Variants in MICU2 observed in about 807,000 individuals in gnomAD.
MICU2 encodes the protein mitochondrial calcium uptake 2.
In MICU2, 64 loss-of-function variants were observed where a neutral mutation model predicts 60.4. That is an observed-to-expected ratio of 1.06 (90% CI 0.87 to 1.31). The LOEUF (loss-of-function observed/expected upper bound fraction) is 1.31, where lower values mean the gene tolerates loss of function less well. Among genes scored for constraint, MICU2 ranks in the 50% most tolerant of loss-of-function variants. The probability of loss-of-function intolerance (pLI) is 0.00; values close to 1 mark genes in which losing one functional copy is unlikely to be tolerated. For missense variants in MICU2, 569 were observed against 531.0 expected (o/e 1.07, Z -0.70); for synonymous variants, 201 against 175.0 (o/e 1.15, Z -1.17).
At chr13:21,587,412 T>C (rs1319145112) in intron 1 of MICU2, among the ~76,000 whole-genome samples, 1 of 152,206 alleles carries the variant, frequency 6.6e-6, no homozygotes, top group Non-Finnish European at 1.5e-5. Context: ...TTATCAGCAG[T>C]AGAAATCTAA....
chr13:21,544,516 G>GAAAAAAA (rs10628955), intron 2 of MICU2, among the ~76,000 whole-genome samples: 1 of 77,380 alleles, frequency 1.3e-5, no homozygotes, highest in Non-Finnish European at 2.5e-5. Flanking sequence ...ATAAACACAT[G>GAAAAAAA]AAAAAAAAAA....
At chr13:21,575,168 GACACACAT>G (rs1010071998) in intron 1 of MICU2, among the ~76,000 whole-genome samples, 7 of 150,088 alleles carry the variant, frequency 4.7e-5, no homozygotes, top group African/African-American at 1.5e-4. Context: ...TACACACACA[GACACACAT>G]ACACACATAA....
chr13:21,572,412 T>A (rs1644983348), intron 1 of MICU2, among the ~76,000 whole-genome samples: 3 of 152,170 alleles, frequency 2.0e-5, no homozygotes, highest in Non-Finnish European at 4.4e-5. Context: ...CTGTGAGACT[T>A]CCGTTAGTGC....
chr13:21,564,507 A>C (rs1472278018), intron 2 of MICU2, among the ~76,000 whole-genome samples: 4 of 152,176 alleles, frequency 2.6e-5, no homozygotes, highest in African/African-American at 7.2e-5. Context: ...TACGTATTGT[A>C]CAGTCCTATG....
In MICU2 at chr13:21,531,283, A is replaced by C. The variant is rs921141032; in HGVS notation, c.466+8019T>G. ...TAGATTGGAAGATCCCTTCAAAGCAAACACAGCACAGAAAATGACTCACCA... is the reference window on the plus strand; with the variant it reads ...TAGATTGGAAGATCCCTTCAAAGCACACACAGCACAGAAAATGACTCACCA... On this transcript the variant is annotated intron_variant, in intron 4 of 11. Transcript: ENST00000382374. 1.9e-6 allele frequency: 3 copies of C among 1,568,794 alleles called. No homozygotes were observed. In the Admixed American group the frequency reaches 5.1e-5, roughly 27 times the overall value.
chr13:21,567,487 C>G (rs1482268954), intron 1 of MICU2, among the ~76,000 whole-genome samples: 1 of 152,054 alleles, frequency 6.6e-6, no homozygotes, highest in Non-Finnish European at 1.5e-5. Context: ...GTCAGGAGGG[C>G]AACAGAACAT....
chr13:21,544,258 T>A (rs532490958), intron 2 of MICU2, among the ~76,000 whole-genome samples: 1 of 152,124 alleles, frequency 6.6e-6, no homozygotes, highest in African/African-American at 2.4e-5. Context: ...GGGAAATGAT[T>A]TTATGAATAA....
intron 2 of MICU2, among the ~76,000 whole-genome samples, chr13:21,565,436 T>C (rs902388745): frequency 1.3e-5 from 2 of 152,036 alleles, no homozygotes; most frequent in Non-Finnish European, 2.9e-5. Flanking sequence ...GGAGGGTGGA[T>C]CACGAGATCA....
At chr13:21,533,351 T>A (rs1887050544) in intron 4 of MICU2, among the ~76,000 whole-genome samples, 1 of 145,320 alleles carries the variant, frequency 6.9e-6, no homozygotes, top group Non-Finnish European at 1.5e-5. Context: ...TGAGGCAGAG[T>A]CTTGCTCTGT....
chr13:21,505,683 C>G (rs912741288), intron 8 of MICU2, among the ~76,000 whole-genome samples: 1 of 152,098 alleles, frequency 6.6e-6, no homozygotes, highest in African/African-American at 2.4e-5. Flanking sequence ...CTTCTGGTAA[C>G]CTAGTCTGGT....
At chr13:21,588,281 C>T (rs567459308) in intron 1 of MICU2, among the ~76,000 whole-genome samples, 6 of 152,338 alleles carry the variant, frequency 3.9e-5, no homozygotes, top group African/African-American at 7.2e-5. Flanking sequence ...TCCATCCACA[C>T]GTTAAACAAA....
chr13:21,586,355 G>A (rs9509804), intron 1 of MICU2, among the ~76,000 whole-genome samples: 31,103 of 151,968 alleles, frequency 0.2, 3,672 homozygotes, highest in Non-Finnish European at 0.28. Context: ...CATTCCTGTT[G>A]CAACAGAAAA....
At position 21,514,501 on chromosome 13, in the gene MICU2, T is replaced by C. The variant is rs971498000; in HGVS notation, c.598-83A>G. ...CTAAAAAATAGATGCCAACTTATTG[T>C]TATAAAATATATACTAGTTATTTGC... On this transcript the variant is annotated intron_variant, in intron 6 of 11. Transcript: ENST00000382374. 1.6e-5 allele frequency: 15 copies of C among 927,304 alleles called. 1 individual carries two copies. Among genetic ancestry groups the C allele is most frequent in the Middle Eastern group, 2.2e-4 (1 of 4,610 alleles). The allele number at this position is 927,304 out of a possible 1,614,324, so 57.4% of individuals were successfully genotyped here.
chr13:21,495,163 A>G lies in MICU2; in HGVS notation c.1198T>C (p.Trp400Arg). The G allele has an allele frequency of 6.3e-7, 1 of 1,598,752 alleles. No homozygotes were observed. Among genetic ancestry groups the G allele is most frequent in the Non-Finnish European group, 8.5e-7 (1 of 1,174,708 alleles). Residue 400 changes from tryptophan (W) to arginine (R), a missense_variant and splice_region_variant, in exon 11 of 12, where the codon TGG becomes CGG. Physicochemically the swap from Trp to Arg is moderately radical, Grantham distance 101 (BLOSUM62 -3). Coordinates refer to ENST00000382374, the MANE Select transcript of MICU2 (RefSeq NM_152726.3). ...VLKNRMHRGL[W>R]VPQHQSIQEY... The stretch of plus-strand genomic sequence containing the variant: ...ATTATATAAAAAAAATCTGTTACCC[A>G]TAAACCTCGATGCATTCTGTTTTTT...
intron 1 of MICU2, among the ~76,000 whole-genome samples, chr13:21,587,634 G>A (rs944578757): frequency 6.6e-6 from 1 of 152,188 alleles, no homozygotes; most frequent in Non-Finnish European, 1.5e-5. Flanking sequence ...ATAGATCGGA[G>A]GAAAAGCATG....
intron 5 of MICU2, 34 bp from the exon 6 acceptor site, chr13:21,521,361 T>A (rs1452785466): frequency 8.3e-6 from 13 of 1,562,466 alleles, no homozygotes; most frequent in Non-Finnish European, 1.1e-5. Flanking sequence ...ATTTAAATGT[T>A]GATGAAAACC....
chr13:21,539,600 A>T, intron 3 of MICU2, 57 bp downstream of exon 3: 4 of 1,610,722 alleles, frequency 2.5e-6, no homozygotes, highest in Non-Finnish European at 3.4e-6. Context: ...GCCCGGCCAA[A>T]AGTTCATTTT....
chr13:21,509,185 T>TGCATGGCATTATTA (rs1412301466), intron 8 of MICU2, among the ~76,000 whole-genome samples: 1 of 152,228 alleles, frequency 6.6e-6, no homozygotes, highest in African/African-American at 2.4e-5. Flanking sequence ...TGTCTCACTA[T>TGCATGGCATTATTA]GCATGGCATT....
intron 1 of MICU2, among the ~76,000 whole-genome samples, chr13:21,592,032 T>C (rs1464485701): frequency 2.3e-5 from 3 of 130,700 alleles, no homozygotes; most frequent in Non-Finnish European, 5.2e-5. Context: ...TTGAAGGAGA[T>C]AGAGACAAGA....
Sources: gnomAD v4.1 joint callset for allele counts (sites outside exome capture counted in the v4.1 genomes callset) on GRCh38, gnomAD v4.1.1 for gene constraint, MANE v1.5 for transcripts, NCBI Gene and HGNC (gene_info 2026-07-23, HGNC 2026-07-21) for gene names.